Variants in RAD51B observed in about 807,000 individuals in gnomAD.
RAD51B encodes the protein DNA repair protein RAD51 homolog 2.
RAD51B carries 38 observed loss-of-function variants against 42.2 expected under a neutral mutation model. That is an observed-to-expected ratio of 0.90 (90% CI 0.70 to 1.18). The LOEUF is 1.18. RAD51B is among the 50% of genes most tolerant of loss of function. The pLI is 0.00. For synonymous variants in RAD51B, 154 were observed against 145.2 expected (o/e 1.06, Z -0.43); for missense variants, 373 against 400.7 (o/e 0.93, Z 0.59).
rs533719463 is a variant in RAD51B, at chr14:68,104,160, G to A, written c.757-187724G>A. On this transcript the variant is annotated intron_variant, in intron 7 of 10. Coordinates refer to ENST00000471583, the MANE Select transcript of RAD51B (RefSeq NM_133510.4). ...TTATTTGGCATTTTTACTGCTAACAGTCTACAGAAGTTTTAGTATTTAGTG... is the reference window on the plus strand; with the variant it reads ...TTATTTGGCATTTTTACTGCTAACAATCTACAGAAGTTTTAGTATTTAGTG... Among the ~76,000 whole-genome samples, 14 of 152,298 alleles carry A rather than the reference G, an allele frequency of 9.2e-5. No homozygotes were observed. In the East Asian group the frequency reaches 2.7e-3, roughly 29 times the overall value.
intron 10 of RAD51B, among the ~76,000 whole-genome samples, chr14:68,559,113 A>G (rs1889011868): frequency 6.6e-6 from 1 of 151,714 alleles, no homozygotes; most frequent in Non-Finnish European, 1.5e-5. Context: ...TGTTATATAT[A>G]TGTGTGCATA....
intron 8 of RAD51B, among the ~76,000 whole-genome samples, chr14:68,383,388 A>G (rs1245457053): frequency 6.6e-6 from 1 of 152,152 alleles, no homozygotes; most frequent in Admixed American, 6.5e-5. Flanking sequence ...GCATCCTACA[A>G]TAAACAGGAT....
chr14:67,841,268 T>C (rs1417113127), intron 4 of RAD51B, among the ~76,000 whole-genome samples: 1 of 152,196 alleles, frequency 6.6e-6, no homozygotes, highest in Non-Finnish European at 1.5e-5. Context: ...CCACTTTTAA[T>C]GGGGTCATTT....
chr14:68,311,065 T>C (rs2081958808), intron 8 of RAD51B, among the ~76,000 whole-genome samples: 1 of 151,754 alleles, frequency 6.6e-6, no homozygotes, highest in African/African-American at 2.4e-5. Context: ...TTAACTGCAG[T>C]CCAACATGTA....
At chr14:67,902,839 C>A (rs528262891) in intron 7 of RAD51B, among the ~76,000 whole-genome samples, 14 of 151,946 alleles carry the variant, frequency 9.2e-5, no homozygotes, top group Non-Finnish European at 1.6e-4. Flanking sequence ...GATTTACAGG[C>A]ACCTTTGAGA....
chr14:68,259,332 A>G (rs1034460206), intron 7 of RAD51B, among the ~76,000 whole-genome samples: 14 of 152,052 alleles, frequency 9.2e-5, no homozygotes, highest in African/African-American at 3.1e-4. Flanking sequence ...GGATAGCATT[A>G]GGAGATATAC....
At chr14:67,981,322 G>A (rs1474905256) in intron 7 of RAD51B, among the ~76,000 whole-genome samples, 1 of 152,184 alleles carries the variant, frequency 6.6e-6, no homozygotes, top group Non-Finnish European at 1.5e-5. Flanking sequence ...TGAAATGTTG[G>A]TGAATATGTG....
intron 10 of RAD51B, among the ~76,000 whole-genome samples, chr14:68,533,162 A>G (rs929008356): frequency 9.2e-5 from 14 of 152,208 alleles, no homozygotes; most frequent in African/African-American, 3.4e-4. Flanking sequence ...AAATCCATTG[A>G]ATCCACTGTA....
chr14:68,587,136 C>T (rs1890527480), intron 10 of RAD51B, among the ~76,000 whole-genome samples: 1 of 152,166 alleles, frequency 6.6e-6, no homozygotes. Context: ...GCATAAGAGG[C>T]CCTCAGCAGT....
chr14:68,644,785 G>C (rs1439624218), intron 10 of RAD51B, among the ~76,000 whole-genome samples: 2 of 151,822 alleles, frequency 1.3e-5, no homozygotes, highest in African/African-American at 2.4e-5. Flanking sequence ...CTCCACAAAA[G>C]TCTTATACAC....
intron 7 of RAD51B, among the ~76,000 whole-genome samples, chr14:68,239,220 C>T (rs1006725383): frequency 2.6e-5 from 4 of 152,164 alleles, no homozygotes; most frequent in African/African-American, 9.7e-5. Flanking sequence ...TGTGGTTAGA[C>T]ACCTGTCCTT....
intron 7 of RAD51B, among the ~76,000 whole-genome samples, chr14:67,917,431 C>T (rs994796393): frequency 4.6e-5 from 7 of 152,114 alleles, no homozygotes; most frequent in African/African-American, 1.4e-4. Context: ...TTTAAACCAC[C>T]AGATCTCTTG....
At chr14:68,521,850 T>C (rs1476065948) in intron 10 of RAD51B, among the ~76,000 whole-genome samples, 14 of 152,206 alleles carry the variant, frequency 9.2e-5, no homozygotes, top group Non-Finnish European at 1.3e-4. Context: ...CATTTATATG[T>C]AATTGTTAGC....
chr14:68,081,721 G>T (rs911875968), intron 7 of RAD51B, among the ~76,000 whole-genome samples: 1 of 152,124 alleles, frequency 6.6e-6, no homozygotes. Flanking sequence ...GGAGTGGCTT[G>T]CTTCTTCAGT....
At chr14:68,411,342 C>A in intron 8 of RAD51B, 82 bp from the exon 9 acceptor site, 1 of 1,151,146 alleles carries the variant, frequency 8.7e-7, no homozygotes. Context: ...GGACTACTGG[C>A]AATGAGTAAT....
chr14:68,026,958 T>C (rs190505020), intron 7 of RAD51B, among the ~76,000 whole-genome samples: 13 of 152,212 alleles, frequency 8.5e-5, no homozygotes, highest in Admixed American at 8.5e-4. Context: ...TGCTTAAGGG[T>C]GTTTTGTGGT....
intron 7 of RAD51B, among the ~76,000 whole-genome samples, chr14:68,205,784 G>A (rs1274311439): frequency 6.6e-6 from 1 of 151,860 alleles, no homozygotes; most frequent in Non-Finnish European, 1.5e-5. Flanking sequence ...ATTTTTCTGA[G>A]CCATTTGAGG....
intron 7 of RAD51B, among the ~76,000 whole-genome samples, chr14:67,974,646 CA>C (rs1376230399): frequency 2.0e-5 from 3 of 152,186 alleles, no homozygotes; most frequent in African/African-American, 7.2e-5. Flanking sequence ...TACTACAGTA[CA>C]TGAGACTTAT....
At chr14:67,976,318 A>G (rs1477492389) in intron 7 of RAD51B, among the ~76,000 whole-genome samples, 1 of 151,712 alleles carries the variant, frequency 6.6e-6, no homozygotes, top group Non-Finnish European at 1.5e-5. Flanking sequence ...GGGTCTCCCT[A>G]TGTTGCCCAG....
Sources: gnomAD v4.1 joint callset for allele counts (sites outside exome capture counted in the v4.1 genomes callset) on GRCh38, gnomAD v4.1.1 for gene constraint, MANE v1.5 for transcripts, NCBI Gene and HGNC (gene_info 2026-07-23, HGNC 2026-07-21) for gene names.